Variants in MAPKAP1 observed in about 807,000 individuals in gnomAD.
MAPKAP1 encodes target of rapamycin complex 2 subunit MAPKAP1.
Under a neutral mutation model 65.7 loss-of-function variants are expected in MAPKAP1, and 20 were observed. The observed-to-expected ratio is 0.30, with a 90% CI of 0.21 to 0.44. The LOEUF is 0.44. Ranked by LOEUF, MAPKAP1 falls within the 20% of genes least tolerant of loss-of-function variation. MAPKAP1 has a pLI of 1.00. For synonymous variants in MAPKAP1, 222 were observed against 244.3 expected, an observed-to-expected ratio of 0.91 and a Z score of 0.85; for missense variants, 423 against 648.0, an observed-to-expected ratio of 0.65 and a Z score of 3.77.
chr9:125,652,716 G>A (rs555181039), intron 4 of MAPKAP1, among the ~76,000 whole-genome samples: 1 of 152,006 alleles, frequency 6.6e-6, no homozygotes, highest in African/African-American at 2.4e-5. Context: ...ACTGCCAAGC[G>A]ATCACCAATA....
At chr9:125,589,434 A>G (rs1471756363) in intron 4 of MAPKAP1, among the ~76,000 whole-genome samples, 2 of 152,148 alleles carry the variant, frequency 1.3e-5, no homozygotes, top group African/African-American at 2.4e-5. Context: ...TGAGGAAAAA[A>G]TCTGTTGAAC....
rs1309100063 is a variant in MAPKAP1, at chr9:125,625,252, A to T, written c.498+32399T>A. Among the ~76,000 whole-genome samples the T allele has an allele frequency of 7.3e-3, 181 of 24,832 alleles. 1 individual carries two copies. Among genetic ancestry groups the T allele is most frequent in the African/African-American group, 0.011 (156 of 14,376 alleles). 16.3% of individuals were successfully genotyped at this position (24,832 alleles called of 152,430 possible). A position where few individuals can be genotyped will look rare whatever the true frequency, so the allele number is the denominator to read the frequency against. ...AATTATCAATAAAAAAAAAATAAAT[A>T]AATAAAAAAAAAAAAAAAAAAAAAA... On this transcript the variant is annotated intron_variant, in intron 4 of 11. Transcript: ENST00000265960.
intron 7 of MAPKAP1, among the ~76,000 whole-genome samples, chr9:125,540,448 T>C (rs769192730): frequency 6.6e-6 from 1 of 152,258 alleles, no homozygotes; most frequent in Non-Finnish European, 1.5e-5. Flanking sequence ...AATCTTGTTG[T>C]AGCACAACTA....
intron 8 of MAPKAP1, among the ~76,000 whole-genome samples, chr9:125,502,113 T>C (rs987005370): frequency 3.3e-5 from 5 of 151,916 alleles, no homozygotes; most frequent in African/African-American, 1.2e-4. Flanking sequence ...TTTTTTTTTT[T>C]CTGTTTGAGA....
At chr9:125,555,358 T>G (rs1423548637) in intron 6 of MAPKAP1, among the ~76,000 whole-genome samples, 1 of 152,160 alleles carries the variant, frequency 6.6e-6, no homozygotes, top group Non-Finnish European at 1.5e-5. Context: ...TTAACAAAGG[T>G]AAGTAAAATT....
rs574517439 is a variant in MAPKAP1 at position 125,614,356 on chromosome 9, G to GT, written c.499-28630_499-28629insA. On this transcript the variant is annotated intron_variant, in intron 4 of 11. Coordinates refer to ENST00000265960, the MANE Select transcript of MAPKAP1 (RefSeq NM_001006617.3). ...AATCATATTAAAGCTAGGCGTGATGGCTCATACTTGTAATCCCAGCACTTT... is the reference window on the plus strand; with the variant it reads ...AATCATATTAAAGCTAGGCGTGATGGTCTCATACTTGTAATCCCAGCACTTT... Among the ~76,000 whole-genome samples the GT allele has an allele frequency of 3.1e-3, 465 of 152,276 alleles. 2 individuals are homozygous for GT. The highest frequency in any genetic ancestry group is 4.4e-3 in the African/African-American group (182 of 41,558).
chr9:125,676,460 C>G (rs1834646682), intron 1 of MAPKAP1, among the ~76,000 whole-genome samples: 1 of 152,192 alleles, frequency 6.6e-6, no homozygotes, highest in Non-Finnish European at 1.5e-5. Flanking sequence ...ACAGGAAATT[C>G]TGACACATTA....
intron 11 of MAPKAP1, among the ~76,000 whole-genome samples, chr9:125,442,032 G>A (rs549705581): frequency 4.6e-5 from 7 of 151,008 alleles, no homozygotes; most frequent in African/African-American, 1.7e-4. Flanking sequence ...GGGAAGCTGA[G>A]GCAGGAGAAT....
chr9:125,589,887 T>C (rs1439302486), intron 4 of MAPKAP1, among the ~76,000 whole-genome samples: 1 of 152,222 alleles, frequency 6.6e-6, no homozygotes. Flanking sequence ...CAAGCACACA[T>C]TCCCTTGTGT....
intron 8 of MAPKAP1, among the ~76,000 whole-genome samples, chr9:125,503,055 G>T (rs1364797870): frequency 2.6e-5 from 4 of 152,040 alleles, no homozygotes; most frequent in African/African-American, 9.7e-5. Flanking sequence ...ATGTTAATAT[G>T]GCTACACCAG....
At chr9:125,656,456 T>C (rs1157836457) in intron 4 of MAPKAP1, among the ~76,000 whole-genome samples, 4 of 152,218 alleles carry the variant, frequency 2.6e-5, no homozygotes, top group Non-Finnish European at 5.9e-5. Flanking sequence ...ATATTACTTA[T>C]GCATTTTGTT....
intron 6 of MAPKAP1, among the ~76,000 whole-genome samples, chr9:125,546,982 G>A (rs573539865): frequency 6.6e-6 from 1 of 152,278 alleles, no homozygotes; most frequent in East Asian, 1.9e-4. Flanking sequence ...GGCTGTCCAT[G>A]CTGGGTCTAG....
chr9:125,439,993 G>C lies in MAPKAP1; in HGVS notation c.1444-981C>G, dbSNP rs764788611. Among the ~76,000 whole-genome samples, 3 of 152,214 alleles carry C rather than the reference G, an allele frequency of 2.0e-5. No homozygotes were observed. The highest frequency in any genetic ancestry group is 4.4e-5 in the Non-Finnish European group (3 of 68,048). On this transcript the variant is annotated intron_variant, in intron 11 of 11. Transcript: ENST00000265960. This position sits in a 1 kb window ranked among gnomAD's most constrained non-coding sequence, Gnocchi z 4.0. ...TTTTGAGTGCGCAACGGGGAGGAGAGACGCAGCATGCATCAAGGCACAGCA... is the reference window on the plus strand; with the variant it reads ...TTTTGAGTGCGCAACGGGGAGGAGACACGCAGCATGCATCAAGGCACAGCA...
At chr9:125,566,559 C>T (rs979517801) in intron 5 of MAPKAP1, among the ~76,000 whole-genome samples, 17 of 125,258 alleles carry the variant, frequency 1.4e-4, no homozygotes, top group African/African-American at 4.5e-4. Context: ...GAGACACTGT[C>T]TTGAAAAAGA....
At chr9:125,669,390 G>A (rs960277647) in intron 3 of MAPKAP1, among the ~76,000 whole-genome samples, 2 of 152,132 alleles carry the variant, frequency 1.3e-5, no homozygotes, top group Admixed American at 1.3e-4. Context: ...TGAGGCAGGA[G>A]AATCGCTTGA....
chr9:125,542,904 G>A, intron 7 of MAPKAP1, 155 bp downstream of exon 7: 1 of 766,764 alleles, frequency 1.3e-6, no homozygotes, highest in Non-Finnish European at 2.4e-6. Context: ...GAGGGGCAGT[G>A]TACAATCACC....
chr9:125,456,616 C>G (rs1363472391), intron 10 of MAPKAP1, among the ~76,000 whole-genome samples: 2 of 152,180 alleles, frequency 1.3e-5, no homozygotes, highest in African/African-American at 4.8e-5. Context: ...TAACTTATTC[C>G]TTGCTAGCAC....
chr9:125,652,174 T>C (rs769643862), intron 4 of MAPKAP1: 1 of 1,321,390 alleles, frequency 7.6e-7, no homozygotes, highest in Non-Finnish European at 1.0e-6. Flanking sequence ...AAGTTTTAAG[T>C]GACTTTCTTT....
intron 7 of MAPKAP1, chr9:125,521,489 T>C: frequency 8.0e-7 from 1 of 1,257,332 alleles, no homozygotes; most frequent in Non-Finnish European, 1.0e-6. Flanking sequence ...TAAACAGTCA[T>C]TTATTTTAAA....
Sources: allele counts gnomAD v4.1 joint callset (sites outside exome capture counted in the v4.1 genomes callset), GRCh38; gene constraint gnomAD v4.1.1; non-coding constraint Gnocchi (gnomAD v3.1); transcripts MANE v1.5; gene names NCBI Gene and HGNC (gene_info 2026-07-23, HGNC 2026-07-21).